PLA2G4A: variants seen among roughly 807,000 people sequenced by gnomAD.
The protein encoded by PLA2G4A is cytosolic phospholipase A2.
A neutral mutation model predicts 81.9 loss-of-function variants in PLA2G4A; 40 were observed. The observed-to-expected ratio is 0.49, with a 90% confidence interval of 0.38 to 0.64. The LOEUF is 0.64. Ranked by LOEUF, PLA2G4A falls within the 30% of genes least tolerant of loss-of-function variation. The pLI, the probability that PLA2G4A is intolerant of heterozygous loss-of-function variation, is 0.00. For synonymous variants in PLA2G4A, 302 were observed against 296.9 expected, an observed-to-expected ratio of 1.02 and a Z score of -0.18; for missense variants, 715 against 905.1, an observed-to-expected ratio of 0.79 and a Z score of 2.69.
At position 186,985,275 on chromosome 1, in the gene PLA2G4A, A is replaced by G. The variant is rs566373296; in HGVS notation, c.2119-3102A>G. Among the ~76,000 whole-genome samples, 73 of 152,264 alleles carry G rather than the reference A, an allele frequency of 4.8e-4. 1 individual carries two copies. The highest frequency in any genetic ancestry group is 1.7e-3 in the African/African-American group (71 of 41,558). On this transcript the variant is annotated intron_variant, in intron 17 of 17. Coordinates refer to ENST00000367466, the MANE Select transcript of PLA2G4A (RefSeq NM_024420.3). ...CTGAACTGAATGCTGCCCTGTGTCA[A>G]TCAACCTCTAGTGAGCACCTTCTGT...
chr1:186,939,318 A>T (rs562907317), intron 9 of PLA2G4A, 88 bp downstream of exon 9: 1 of 592,022 alleles, frequency 1.7e-6, no homozygotes, highest in South Asian at 2.7e-5. Context: ...AAAATGTAAT[A>T]CATTTTATAA....
At chr1:186,938,959 T>C (rs1183622207) in intron 8 of PLA2G4A, 49 bp from the exon 9 acceptor site, 2 of 961,282 alleles carry the variant, frequency 2.1e-6, no homozygotes, top group African/African-American at 1.6e-5. Context: ...TTGGAGACTG[T>C]TGTGTAATGC....
At chr1:186,841,941 G>A (rs1045304188) in intron 1 of PLA2G4A, among the ~76,000 whole-genome samples, 1 of 151,972 alleles carries the variant, frequency 6.6e-6, no homozygotes, top group Non-Finnish European at 1.5e-5. Context: ...GGGGTTGCGG[G>A]GAGCTTTTTA....
chr1:186,943,652 G>A (rs1656236617), intron 10 of PLA2G4A, among the ~76,000 whole-genome samples: 1 of 152,012 alleles, frequency 6.6e-6, no homozygotes, highest in African/African-American at 2.4e-5. Flanking sequence ...CGGGTAAAAA[G>A]ATACCTTTGT....
At chr1:186,853,979 T>G (rs1249704393) in intron 1 of PLA2G4A, among the ~76,000 whole-genome samples, 1 of 151,954 alleles carries the variant, frequency 6.6e-6, no homozygotes, top group Non-Finnish European at 1.5e-5. Flanking sequence ...ATTTTAAGTT[T>G]CCGTAATTTC....
At chr1:186,866,863 A>G (rs10752979) in intron 2 of PLA2G4A, among the ~76,000 whole-genome samples, 128,381 of 152,074 alleles carry the variant, frequency 0.84, 54,361 homozygotes, top group African/African-American at 0.9. Flanking sequence ...GCATTTTCTC[A>G]TTGTATTTCA....
At chr1:186,988,266 T>C (rs1557906526) in intron 17 of PLA2G4A, 111 bp from the exon 18 acceptor site, 6 of 781,362 alleles carry the variant, frequency 7.7e-6, no homozygotes, top group Non-Finnish European at 1.2e-5. Context: ...TATTCATATA[T>C]GTCAAAAGGA....
intron 8 of PLA2G4A, among the ~76,000 whole-genome samples, chr1:186,934,461 T>TATATATATAC (rs1553216883): frequency 2.9e-5 from 4 of 137,724 alleles, no homozygotes; most frequent in Non-Finnish European, 6.3e-5. Flanking sequence ...TATATATATA[T>TATATATATAC]ATACATACAC....
intron 9 of PLA2G4A, 114 bp downstream of exon 9, chr1:186,939,344 A>G (rs938586025): frequency 3.9e-6 from 2 of 510,060 alleles, no homozygotes; most frequent in African/African-American, 2.0e-5. Flanking sequence ...AGTGGACTCT[A>G]CTTATTTGTC....
intron 7 of PLA2G4A, among the ~76,000 whole-genome samples, chr1:186,930,020 C>T (rs1655684779): frequency 1.3e-5 from 2 of 152,110 alleles, no homozygotes; most frequent in East Asian, 1.9e-4. Context: ...GGCAAAACCC[C>T]GTCTCTATGC....
intron 3 of PLA2G4A, among the ~76,000 whole-genome samples, chr1:186,877,707 A>C (rs1653556194): frequency 2.3e-4 from 1 of 4,376 alleles, no homozygotes; most frequent in East Asian, 0.012. Flanking sequence ...CTTACTCACA[A>C]AAAAAAAAAA....
intron 14 of PLA2G4A, among the ~76,000 whole-genome samples, chr1:186,956,927 T>A (rs1441652354): frequency 6.6e-6 from 1 of 151,998 alleles, no homozygotes. Flanking sequence ...AGTGGCTCAC[T>A]CCTGTAATCC....
Position 186,871,579 on chromosome 1 carries a change from C to T in PLA2G4A, c.115+1063C>T, listed in dbSNP as rs192337717. On this transcript the variant is annotated intron_variant, in intron 3 of 17. Transcript: ENST00000367466. ...AGCAAGAAGTCCTAGGCAGAGAAAA[C>T]AGCGTGTTCCAAAGCAAAAAGACCA... Among the ~76,000 whole-genome samples the T allele has an allele frequency of 2.6e-5, 4 of 152,184 alleles. No individual in the cohort carries two copies. The East Asian group carries it at 7.8e-4, about 29-fold the overall frequency.
intron 6 of PLA2G4A, 77 bp downstream of exon 6, chr1:186,907,079 TTA>T (rs1292880732): frequency 2.5e-6 from 2 of 792,660 alleles, no homozygotes; most frequent in East Asian, 5.4e-5. Context: ...AAGAATTTTT[TTA>T]TATATAATTC....
intron 15 of PLA2G4A, among the ~76,000 whole-genome samples, chr1:186,965,898 C>G (rs1051533646): frequency 1.3e-5 from 2 of 151,936 alleles, no homozygotes; most frequent in African/African-American, 4.8e-5. Flanking sequence ...TCATTAAAAC[C>G]ATGAATGGAG....
intron 1 of PLA2G4A, among the ~76,000 whole-genome samples, chr1:186,834,924 A>G (rs1292569957): frequency 6.6e-6 from 1 of 152,166 alleles, no homozygotes; most frequent in East Asian, 1.9e-4. Flanking sequence ...TCATTTGGAC[A>G]AAATAATTAT....
chr1:186,935,549 G>T (rs1655916591), intron 8 of PLA2G4A, among the ~76,000 whole-genome samples: 1 of 151,740 alleles, frequency 6.6e-6, no homozygotes, highest in Admixed American at 6.6e-5. Flanking sequence ...AAAGAAAATA[G>T]ATAGAAAAAG....
chr1:186,923,144 A>G lies in PLA2G4A; in HGVS notation c.559-9619A>G, dbSNP rs919547050. The stretch of plus-strand genomic sequence containing the variant: ...TGGTCTCCTCCCTTACTGGGATTAC[A>G]AGCACAAGCCACCATGCCTGGCCAA... On this transcript the variant is annotated intron_variant, in intron 7 of 17. Transcript: ENST00000367466. 2.0e-5 allele frequency among the ~76,000 whole-genome samples: 3 copies of G among 152,188 alleles called. No homozygotes were observed. In the South Asian group the frequency reaches 6.2e-4, roughly 31 times the overall value.
At chr1:186,929,123 A>G (rs927474545) in intron 7 of PLA2G4A, among the ~76,000 whole-genome samples, 4 of 152,370 alleles carry the variant, frequency 2.6e-5, no homozygotes, top group Admixed American at 6.5e-5. Context: ...CCAAACATCA[A>G]TGGTTTCTCT....
Sources: allele counts gnomAD v4.1 joint callset (sites outside exome capture counted in the v4.1 genomes callset), GRCh38; gene constraint gnomAD v4.1.1; transcripts MANE v1.5; gene names NCBI Gene and HGNC (gene_info 2026-07-23, HGNC 2026-07-21).